Variants in ZNF708 observed in about 807,000 individuals in gnomAD.
The protein encoded by ZNF708 is zinc finger protein 708.
ZNF708 carries 44 observed loss-of-function variants against 47.0 expected under a neutral mutation model. That is an observed-to-expected ratio of 0.94 (90% CI 0.74 to 1.20). The LOEUF is 1.20. Ranked by LOEUF, ZNF708 falls within the 50% of genes most tolerant of loss-of-function variation. The probability of loss-of-function intolerance (pLI) is 0.00; values close to 1 mark genes in which losing one functional copy is unlikely to be tolerated. For missense variants in ZNF708, 557 were observed against 656.0 expected, an observed-to-expected ratio of 0.85 and a Z score of 1.65; for synonymous variants, 184 against 218.5, an observed-to-expected ratio of 0.84 and a Z score of 1.39.
intron 1 of ZNF708, among the ~76,000 whole-genome samples, chr19:21,319,190 T>A (rs1454988097): frequency 6.6e-6 from 1 of 152,200 alleles, no homozygotes; most frequent in East Asian, 1.9e-4. Context: ...ATGTATGTTG[T>A]CTAAAAACAC....
At chr19:21,310,962 A>G (rs12459702) in intron 1 of ZNF708, among the ~76,000 whole-genome samples, 84,939 of 151,996 alleles carry the variant, frequency 0.56, 24,017 homozygotes, top group Middle Eastern at 0.68. Flanking sequence ...TTCAGATGGA[A>G]AAGACATGTT....
chr19:21,329,163 TTCAA>T (rs1395224209), intron 1 of ZNF708, 43 bp downstream of exon 1: 2 of 1,610,312 alleles, frequency 1.2e-6, no homozygotes, highest in East Asian at 4.5e-5. Context: ...TCCCACAGGT[TTCAA>T]CCAGCCCTTC....
intron 2 of ZNF708, among the ~76,000 whole-genome samples, 182 bp downstream of exon 2, chr19:21,310,319 C>T (rs1355855234): frequency 6.6e-6 from 1 of 151,648 alleles, no homozygotes; most frequent in Admixed American, 6.6e-5. Context: ...GTGGCACATG[C>T]CTGTAATCTC....
At position 21,309,539 on chromosome 19, in the gene ZNF708, C is replaced by G. The variant is rs139450392; in HGVS notation, c.131-198G>C. 2.2e-3 allele frequency among the ~76,000 whole-genome samples: 331 copies of G among 152,068 alleles called. 2 individuals carry two copies. Among genetic ancestry groups the G allele is most frequent in the African/African-American group, 7.6e-3 (314 of 41,472 alleles). On this transcript the variant is annotated intron_variant, in intron 2 of 3. Coordinates refer to ENST00000356929, the MANE Select transcript of ZNF708 (RefSeq NM_021269.3). ...ATGGGTCAACATGGCAAAACCTTGT[C>G]TCTACTGAAAATACAGAAATTAGCT...
At chr19:21,310,857 T>C (rs778886406) in intron 1 of ZNF708, among the ~76,000 whole-genome samples, 4 of 152,218 alleles carry the variant, frequency 2.6e-5, no homozygotes, top group Non-Finnish European at 5.9e-5. Flanking sequence ...ATGTTACTTT[T>C]CTGAATGATA....
intron 1 of ZNF708, among the ~76,000 whole-genome samples, chr19:21,316,816 C>T (rs566083993): frequency 9.4e-5 from 14 of 148,502 alleles, no homozygotes; most frequent in African/African-American, 3.0e-4. Flanking sequence ...AACGAAGTTT[C>T]GCTCTTGTTG....
At chr19:21,329,059 G>A (rs911730915) in intron 1 of ZNF708, 151 bp downstream of exon 1, 4 of 1,213,626 alleles carry the variant, frequency 3.3e-6, no homozygotes, top group African/African-American at 1.5e-5. Flanking sequence ...CCATCTTATG[G>A]CTGAAGGGGA....
intron 3 of ZNF708, among the ~76,000 whole-genome samples, chr19:21,300,245 C>T (rs936053873): frequency 6.7e-6 from 1 of 150,278 alleles, no homozygotes; most frequent in African/African-American, 2.4e-5. Context: ...CACGGTGGCT[C>T]ACGCCTGTAA....
intron 3 of ZNF708, among the ~76,000 whole-genome samples, chr19:21,304,258 G>GTT (rs35296332): frequency 7.9e-5 from 11 of 139,080 alleles, no homozygotes; most frequent in Admixed American, 1.5e-4. Flanking sequence ...AAGAAGCCAG[G>GTT]TTTTTTTTTT....
intron 1 of ZNF708, among the ~76,000 whole-genome samples, chr19:21,324,186 G>T (rs961307720): frequency 2.0e-5 from 3 of 152,118 alleles, no homozygotes; most frequent in African/African-American, 7.2e-5. Flanking sequence ...GGACCTTGCA[G>T]TGAGCTGAGA....
intron 3 of ZNF708, among the ~76,000 whole-genome samples, chr19:21,297,972 TG>T (rs1972574507): frequency 6.6e-6 from 1 of 151,788 alleles, no homozygotes; most frequent in Non-Finnish European, 1.5e-5. Flanking sequence ...TGTGTGTGTG[TG>T]TGTGTGTGTG....
chr19:21,303,202 T>C (rs1599674004), intron 3 of ZNF708, among the ~76,000 whole-genome samples: 1 of 152,134 alleles, frequency 6.6e-6, no homozygotes, highest in South Asian at 2.1e-4. Context: ...CAGTGAGCCA[T>C]GATCATGCCA....
Position 21,293,461 on chromosome 19 carries a change from T to G in ZNF708, c.1505A>C (p.Lys502Thr), listed in dbSNP as rs147703064. The G allele has an allele frequency of 9.3e-6, 15 of 1,613,586 alleles. No homozygotes were observed. Among genetic ancestry groups the G allele is most frequent in the Non-Finnish European group, 1.0e-5 (12 of 1,179,860 alleles). The change falls in exon 4 of 4, where the codon AAA becomes ACA. Residue 502 changes from lysine (K) to threonine (T), a missense_variant. Coordinates refer to ENST00000356929, the MANE Select transcript of ZNF708 (RefSeq NM_021269.3). ...GCCACATTCTTTACATTTGTAGGGT[T>G]TCTCTCCAGTATGAATTATCTTATG... Reference protein sequence around the residue: ...TTHKIIHTGEKPYKCKECGKA... With the variant: ...TTHKIIHTGETPYKCKECGKA...
chr19:21,300,551 C>CAAAG (rs929532471), intron 3 of ZNF708, among the ~76,000 whole-genome samples: 1 of 148,110 alleles, frequency 6.8e-6, no homozygotes, highest in East Asian at 2.0e-4. Context: ...CACAAGCAAA[C>CAAAG]AGAGATAATT....
chr19:21,310,897 CAT>C (rs961576117), intron 1 of ZNF708, among the ~76,000 whole-genome samples: 6 of 152,110 alleles, frequency 3.9e-5, no homozygotes, highest in African/African-American at 1.2e-4. Context: ...TGAACAGAAA[CAT>C]GTACATTTTT....
chr19:21,327,512 A>G (rs1973285487), intron 1 of ZNF708, among the ~76,000 whole-genome samples: 2 of 148,214 alleles, frequency 1.3e-5, no homozygotes, highest in Admixed American at 1.4e-4. Context: ...AGCCTGGGCA[A>G]CAAGAGTGAA....
chr19:21,308,878 C>T (rs1972840940), intron 3 of ZNF708, among the ~76,000 whole-genome samples: 1 of 152,056 alleles, frequency 6.6e-6, no homozygotes, highest in African/African-American at 2.4e-5. Context: ...AACTCTTACA[C>T]ATTTCAGACA....
At chr19:21,299,852 G>C (rs1356839415) in intron 3 of ZNF708, among the ~76,000 whole-genome samples, 1 of 151,428 alleles carries the variant, frequency 6.6e-6, no homozygotes, top group Non-Finnish European at 1.5e-5. Context: ...ATAATACTTA[G>C]ATAAAGTTAT....
At position 21,321,193 on chromosome 19, in the gene ZNF708, A is replaced by T. The variant is rs1054149476; in HGVS notation, c.3+8017T>A. ...AAAGTAATGCAGAAACAGAAAACCA[A>T]ATGCATGTTCTCATTTATAAGTAAG... On this transcript the variant is annotated intron_variant, in intron 1 of 3. Coordinates refer to ENST00000356929, the MANE Select transcript of ZNF708 (RefSeq NM_021269.3). 5.9e-5 allele frequency among the ~76,000 whole-genome samples: 9 copies of T among 152,252 alleles called. No homozygotes were observed. In the East Asian group the frequency reaches 1.5e-3, roughly 26 times the overall value.
Sources: gnomAD v4.1 joint callset for allele counts (sites outside exome capture counted in the v4.1 genomes callset) on GRCh38, gnomAD v4.1.1 for gene constraint, MANE v1.5 for transcripts, NCBI Gene and HGNC (gene_info 2026-07-23, HGNC 2026-07-21) for gene names.